NCAPH: variants seen among roughly 807,000 people sequenced by gnomAD.
NCAPH encodes the protein non-SMC condensin I complex subunit H.
In NCAPH, 38 loss-of-function variants were observed where a neutral mutation model predicts 85.5. The ratio of observed to expected loss-of-function variants is 0.44; its 90% CI spans 0.34 to 0.58. The LOEUF (loss-of-function observed/expected upper bound fraction) is 0.58, where lower values mean the gene tolerates loss of function less well. Among genes scored for constraint, NCAPH ranks in the 20% least tolerant of loss-of-function variants. The probability of loss-of-function intolerance (pLI) is 0.01; values close to 1 mark genes in which losing one functional copy is unlikely to be tolerated. For missense variants in NCAPH, 789 were observed against 916.6 expected (o/e 0.86, Z 1.80); for synonymous variants, 301 against 335.1 (o/e 0.90, Z 1.11).
In NCAPH at chr2:96,360,002, A is replaced by G; in HGVS notation, c.1358-141A>G. On this transcript the variant is annotated intron_variant, in intron 10 of 17. Coordinates refer to ENST00000240423, the MANE Select transcript of NCAPH (RefSeq NM_015341.5). ...ATGAAAAGAGGGTGTGTGATTGAGC[A>G]CTCCTACTGTTGTGATGCTCAGACA... 1.0e-5 allele frequency: 6 copies of G among 587,416 alleles called. 1 individual carries two copies. In the South Asian group the frequency reaches 1.1e-4, roughly 11 times the overall value. 36.4% of individuals were successfully genotyped at this position (587,416 alleles called of 1,614,324 possible). A position where few individuals can be genotyped will look rare whatever the true frequency, so the allele number is the denominator to read the frequency against.
chr2:96,372,544 C>T (rs2064787844), intron 17 of NCAPH, among the ~76,000 whole-genome samples: 1 of 152,148 alleles, frequency 6.6e-6, no homozygotes, highest in Non-Finnish European at 1.5e-5. Flanking sequence ...TAAGTTGCAA[C>T]TCTTCTGAGT....
In NCAPH at chr2:96,373,451, G is replaced by C; in HGVS notation, c.*100G>C. The C allele has an allele frequency of 8.7e-7, 1 of 1,150,932 alleles. No individual in the cohort carries two copies. Among genetic ancestry groups the C allele is most frequent in the Non-Finnish European group, 1.3e-6 (1 of 776,498 alleles). The allele number at this position is 1,150,932 out of a possible 1,614,324, so 71.3% of individuals were successfully genotyped here. A position where few individuals can be genotyped will look rare whatever the true frequency, so the allele number is the denominator to read the frequency against. ...AGAAGATGCCATGGGCTTATACCCA[G>C]GCTGTAGCCAACTACCAACGTGCCT... On this transcript the variant is annotated 3_prime_UTR_variant, in exon 18 of 18. Coordinates refer to ENST00000240423, the MANE Select transcript of NCAPH (RefSeq NM_015341.5).
rs775183133 is a variant in NCAPH, at chr2:96,359,231, G to A, written c.1357+38G>A. The A allele has an allele frequency of 1.1e-5, 17 of 1,609,266 alleles. No homozygotes were observed. In the South Asian group the frequency reaches 1.7e-4, roughly 16 times the overall value. On this transcript the variant is annotated intron_variant, in intron 10 of 17. Transcript: ENST00000240423. The stretch of plus-strand genomic sequence containing the variant: ...AGGTGGAATTTTAAGAAAAGAAGTA[G>A]TGTAGATGACCAGCCAGTCAGCAGT...
rs1301581034 is a variant in NCAPH at position 96,375,967 on chromosome 2, A to C, written c.*2616A>C. The stretch of plus-strand genomic sequence containing the variant: ...GCAAGAAGGCTCCCACCAGATATGG[A>C]CTCAACCTGGGACTTTTCAGCCTCC... On this transcript the variant is annotated 3_prime_UTR_variant, in exon 18 of 18. Transcript: ENST00000240423. 6.6e-6 allele frequency among the ~76,000 whole-genome samples: 1 copy of C among 152,148 alleles called. No individual in the cohort carries two copies. The highest frequency in any genetic ancestry group is 1.5e-5 in the Non-Finnish European group (1 of 68,028).
At position 96,359,156 on chromosome 2, in the gene NCAPH, T is replaced by A. The variant is rs1558798708; in HGVS notation, c.1320T>A (p.Ala440=). 6.2e-7 allele frequency: 1 copy of A among 1,614,260 alleles called. No homozygotes were observed. Among genetic ancestry groups the A allele is most frequent in the Non-Finnish European group, 8.5e-7 (1 of 1,180,052 alleles). ...GTCCTCGGACCATGTCGATGTGGGC[T>A]GGCCCGGATCACTGGCGCTTTAGGC... ...YFSPRTMSMW[A]GPDHWRFRPR... Residue 440 remains alanine, a synonymous_variant, in exon 10 of 18, where the codon GCT becomes GCA. Transcript: ENST00000240423.
At chr2:96,361,749 G>T (rs1389570511) in intron 12 of NCAPH, among the ~76,000 whole-genome samples, 30 of 95,184 alleles carry the variant, frequency 3.2e-4, no homozygotes, top group African/African-American at 9.2e-4. Flanking sequence ...AGATTTTAAT[G>T]ATATATATAT....
rs2064829160 is a variant in NCAPH at position 96,376,167 on chromosome 2, T to C, written c.*2816T>C. ...CTGCCTCAGATGCTGAGAAGCCTCC[T>C]GAGATAAGAGCGTATACCATGTCCA... is the stretch of plus-strand genomic sequence containing the variant. On this transcript the variant is annotated 3_prime_UTR_variant, in exon 18 of 18. Coordinates refer to ENST00000240423, the MANE Select transcript of NCAPH (RefSeq NM_015341.5). Among the ~76,000 whole-genome samples, 1 of 152,232 alleles carries C rather than the reference T, an allele frequency of 6.6e-6. No homozygotes were observed. The highest frequency in any genetic ancestry group is 1.5e-5 in the Non-Finnish European group (1 of 68,046).
At chr2:96,362,036 A>G (rs1341838465) in intron 12 of NCAPH, among the ~76,000 whole-genome samples, 1 of 151,314 alleles carries the variant, frequency 6.6e-6, no homozygotes, top group African/African-American at 2.4e-5. Flanking sequence ...GAGCCGTTAC[A>G]CCTGGCCTCA....
At position 96,348,664 on chromosome 2, in the gene NCAPH, A is replaced by T. The variant is rs57367779; in HGVS notation, c.721-3167A>T. Among the ~76,000 whole-genome samples, 365 of 146,074 alleles carry T rather than the reference A, an allele frequency of 2.5e-3. 5 individuals carry two copies. In the East Asian group the frequency reaches 0.037, roughly 15 times the overall value. On this transcript the variant is annotated intron_variant, in intron 6 of 17. Coordinates refer to ENST00000240423, the MANE Select transcript of NCAPH (RefSeq NM_015341.5). ...TTATCTTACTGTCATTATTATTATT[A>T]TTTTTTTTTGAGACAGGGTCTCGCT...
intron 9 of NCAPH, among the ~76,000 whole-genome samples, chr2:96,358,476 CT>C (rs35129726): frequency 6.7e-6 from 1 of 149,174 alleles, no homozygotes; most frequent in African/African-American, 2.5e-5. Flanking sequence ...AAGGAATTCT[CT>C]TTTTTTTTTG....
intron 9 of NCAPH, among the ~76,000 whole-genome samples, chr2:96,356,140 C>A (rs1187192677): frequency 1.3e-5 from 2 of 152,230 alleles, no homozygotes; most frequent in East Asian, 3.8e-4. Context: ...GTCTCCACTT[C>A]TCTCCCCTAT....
Position 96,351,984 on chromosome 2 carries a change from C to G in NCAPH, c.874C>G (p.Pro292Ala), listed in dbSNP as rs2064450660. The G allele has an allele frequency of 6.2e-7, 1 of 1,613,868 alleles. No individual in the cohort carries two copies. Residue 292 changes from proline (P) to alanine (A), a missense_variant, in exon 7 of 18, where the codon CCA (proline) becomes GCA (alanine). Coordinates refer to ENST00000240423, the MANE Select transcript of NCAPH (RefSeq NM_015341.5). ...CTCCACGGGAGAACCTCTCGAGTTG[C>G]CAGAGTTAGGTTGTGTAGAAATGAC... The part of the protein sequence containing the change: ...TLSTGEPLEL[P>A]ELGCVEMTDL...
In NCAPH at chr2:96,364,529, G is replaced by A. The variant is rs2064668151; in HGVS notation, c.1636G>A (p.Glu546Lys). ...TAGGGTAGAGACTGAGCATTATGAA[G>A]AAATTGAAGACTATGATTACAACAA... ...GHRVETEHYE[E>K]IEDYDYNNPN... Residue 546 changes from glutamate (E) to lysine (K), a missense_variant, in exon 13 of 18, where the codon GAA becomes AAA. By Grantham distance (56) the Glu-to-Lys change is moderately conservative (BLOSUM62 1). Coordinates refer to ENST00000240423, the MANE Select transcript of NCAPH (RefSeq NM_015341.5). 6.2e-7 allele frequency: 1 copy of A among 1,613,700 alleles called. No homozygotes were observed. The highest frequency in any genetic ancestry group is 1.7e-5 in the Admixed American group (1 of 60,002).
chr2:96,342,184 C>G (rs367856920), intron 3 of NCAPH, 44 bp downstream of exon 3: 3 of 1,441,942 alleles, frequency 2.1e-6, no homozygotes, highest in Non-Finnish European at 2.0e-6. Flanking sequence ...ATCCCTTGAT[C>G]ACAGGGGAAA....
Position 96,343,332 on chromosome 2 carries a change from T to C in NCAPH, c.595+28T>C. The C allele has an allele frequency of 2.5e-6, 4 of 1,599,968 alleles. No homozygotes were observed. In the South Asian group the frequency reaches 4.5e-5, roughly 18 times the overall value. ...AGGTGGGTAGGGATCTGGATTTAAG[T>C]GGCTCTTTTTAGGGCATACCAGGTA... On this transcript the variant is annotated intron_variant, in intron 5 of 17. Transcript: ENST00000240423.
intron 9 of NCAPH, among the ~76,000 whole-genome samples, chr2:96,357,022 C>T (rs2064533900): frequency 6.6e-6 from 1 of 152,194 alleles, no homozygotes; most frequent in Admixed American, 6.5e-5. Context: ...ACACTTGGAG[C>T]CAAGTGTTCT....
intron 6 of NCAPH, among the ~76,000 whole-genome samples, chr2:96,348,732 C>T (rs1265877582): frequency 2.0e-5 from 3 of 151,886 alleles, no homozygotes; most frequent in South Asian, 4.2e-4. Flanking sequence ...GTTGGCTCAC[C>T]GCAACCTCTG....
At chr2:96,354,075 A>C (rs968039185) in intron 8 of NCAPH, 108 bp from the exon 9 acceptor site, 44 of 1,076,206 alleles carry the variant, frequency 4.1e-5, no homozygotes, top group Non-Finnish European at 5.8e-5. Context: ...GCTCAGGGGA[A>C]GGAGGAGGCT....
In NCAPH at chr2:96,375,038, T is replaced by G. The variant is rs547350714; in HGVS notation, c.*1687T>G. Among the ~76,000 whole-genome samples, 30 of 151,858 alleles carry G rather than the reference T, an allele frequency of 2.0e-4. 1 individual carries two copies. The East Asian group carries it at 4.8e-3, about 24-fold the overall frequency. ...AGCCTGGGCAAAATAGAACCCCATC[T>G]TTAAAAAAAAAGTTTAAAAATTAGC... On this transcript the variant is annotated 3_prime_UTR_variant, in exon 18 of 18. Transcript: ENST00000240423.
Sources: allele counts gnomAD v4.1 joint callset (sites outside exome capture counted in the v4.1 genomes callset), GRCh38; gene constraint gnomAD v4.1.1; transcripts MANE v1.5; gene names NCBI Gene and HGNC (gene_info 2026-07-23, HGNC 2026-07-21).